KLF17: variants seen among roughly 807,000 people sequenced by gnomAD.
KLF17 encodes the protein Krueppel-like factor 17.
In KLF17, 31 loss-of-function variants were observed where a neutral mutation model predicts 34.2. The observed-to-expected ratio is 0.91, with a 90% CI of 0.68 to 1.22. KLF17 has a LOEUF of 1.22. Among genes scored for constraint, KLF17 ranks in the 50% most tolerant of loss-of-function variants. The probability of loss-of-function intolerance (pLI) is 0.00; values close to 1 mark genes in which losing one functional copy is unlikely to be tolerated. For synonymous variants in KLF17, 179 were observed against 186.7 expected (o/e 0.96, Z 0.34); for missense variants, 478 against 505.2 (o/e 0.95, Z 0.52).
At chr1:44,097,411 G>T in the KLF17 span, among the ~76,000 whole-genome samples, 1 of 152,084 alleles carries the variant, frequency 6.6e-6, no homozygotes, top group Non-Finnish European at 1.5e-5. Flanking sequence ...GAAAGTCAAT[G>T]GTAGCTTGAT....
chr1:44,044,293 G>C, the KLF17 span, among the ~76,000 whole-genome samples: 3 of 152,322 alleles, frequency 2.0e-5, no homozygotes, highest in African/African-American at 7.2e-5. Context: ...ACACAGATTT[G>C]TAGCTGGCGT....
chr1:44,047,296 C>T, the KLF17 span, among the ~76,000 whole-genome samples: 2 of 152,132 alleles, frequency 1.3e-5, no homozygotes, highest in Admixed American at 6.5e-5. Flanking sequence ...CCACCCATTC[C>T]TCTGAGTGGG....
intron 1 of KLF17, among the ~76,000 whole-genome samples, chr1:44,124,274 A>AT (rs35585037): frequency 9.9e-4 from 144 of 145,460 alleles, no homozygotes; most frequent in East Asian, 2.6e-3. Flanking sequence ...TTTTTGTTTG[A>AT]TTTTTTTTTT....
At chr1:44,115,702 G>GT (rs1463077969), upstream of KLF17, 2 of 152,028 alleles carry the variant, frequency 1.3e-5, no homozygotes, top group African/African-American at 4.8e-5. Context: ...TGCCTAAATT[G>GT]TATCTTATTT....
chr1:44,129,236 A>T, intron 1 of KLF17, 117 bp from the exon 2 acceptor site: 1 of 1,251,890 alleles, frequency 8.0e-7, no homozygotes, highest in South Asian at 1.8e-5. Flanking sequence ...TGGAGGCAGG[A>T]TAATTCAAGC....
the KLF17 span, among the ~76,000 whole-genome samples, chr1:44,113,128 C>T: frequency 6.6e-6 from 1 of 152,218 alleles, no homozygotes; most frequent in South Asian, 2.1e-4. Context: ...TGGCTGGGTG[C>T]TGTGGCTTAT....
At chr1:44,071,909 C>T in the KLF17 span, among the ~76,000 whole-genome samples, 3,186 of 152,138 alleles carry the variant, frequency 0.021, 49 homozygotes, top group Admixed American at 0.034. Context: ...TGGAGCTTCC[C>T]CTCCACCCCC....
chr1:44,064,945 G>A, the KLF17 span, among the ~76,000 whole-genome samples: 22 of 152,216 alleles, frequency 1.4e-4, no homozygotes, highest in Admixed American at 2.6e-4. Context: ...TAATGAGAAA[G>A]TGTGCTAACT....
intron 1 of KLF17, among the ~76,000 whole-genome samples, chr1:44,121,156 G>T (rs528174511): frequency 6.6e-6 from 1 of 152,162 alleles, no homozygotes; most frequent in Admixed American, 6.5e-5. Context: ...TGGTGCTGTT[G>T]TCCAGGCTGG....
At chr1:44,114,175 G>A (rs1210483700), upstream of KLF17, 3 of 152,174 alleles carry the variant, frequency 2.0e-5, no homozygotes, top group African/African-American at 7.2e-5. Context: ...TATGCTTTGA[G>A]GCATTCGATA....
At chr1:44,091,931 A>G in the KLF17 span, among the ~76,000 whole-genome samples, 3 of 139,182 alleles carry the variant, frequency 2.2e-5, no homozygotes, top group African/African-American at 8.1e-5. Flanking sequence ...AAAAAAACCC[A>G]AAAAACAACA....
chr1:44,066,100 T>C, the KLF17 span, among the ~76,000 whole-genome samples: 1 of 152,284 alleles, frequency 6.6e-6, no homozygotes, highest in Admixed American at 6.5e-5. Flanking sequence ...GAAAATCACT[T>C]GAACTTAGAA....
chr1:44,054,478 C>CTTTTT, the KLF17 span, among the ~76,000 whole-genome samples: 3 of 100,206 alleles, frequency 3.0e-5, no homozygotes, highest in East Asian at 3.3e-4. Context: ...ATCAGTGTGC[C>CTTTTT]TTTTTTTTTT....
the KLF17 span, among the ~76,000 whole-genome samples, chr1:44,099,833 GAAAGAAAGAAAGA>G: frequency 8.4e-5 from 1 of 11,860 alleles, no homozygotes; most frequent in Non-Finnish European, 1.4e-4. Context: ...AAAGAAGAAA[GAAAGAAAGAAAGA>G]AAGAAAGAAA....
intron 1 of KLF17, among the ~76,000 whole-genome samples, chr1:44,119,693 G>A (rs1367574053): frequency 1.3e-5 from 2 of 152,188 alleles, no homozygotes; most frequent in Admixed American, 1.3e-4. Flanking sequence ...TCCCAGGTCT[G>A]AGACCACAGG....
In KLF17 at chr1:44,133,610, AT is replaced by A. The variant is rs997899026; in HGVS notation, c.*376del. On this transcript the variant is annotated 3_prime_UTR_variant, in exon 4 of 4. Coordinates refer to ENST00000372299, the MANE Select transcript of KLF17 (RefSeq NM_173484.4). ...GCAGAGCAGAAAGATCATAGACAAC[AT>A]TTATGAATGTGCCCAGTGCTGCCAA... The A allele has an allele frequency of 5.3e-5, 8 of 152,272 alleles. No individual in the cohort carries two copies. Among genetic ancestry groups the A allele is most frequent in the Non-Finnish European group, 1.2e-4 (8 of 68,072 alleles). The allele number at this position is 152,272 out of a possible 1,614,324, so 9.4% of individuals were successfully genotyped here. A position where few individuals can be genotyped will look rare whatever the true frequency, so the allele number is the denominator to read the frequency against.
chr1:44,112,555 C>T, the KLF17 span, among the ~76,000 whole-genome samples: 1 of 152,092 alleles, frequency 6.6e-6, no homozygotes, highest in Non-Finnish European at 1.5e-5. Context: ...CAGGCACTTG[C>T]CACCATGCCT....
At chr1:44,120,899 G>A (rs1352477808) in intron 1 of KLF17, among the ~76,000 whole-genome samples, 3 of 152,142 alleles carry the variant, frequency 2.0e-5, no homozygotes, top group African/African-American at 7.2e-5. Flanking sequence ...CAGAAGGCTC[G>A]TTTGAGCTCA....
the KLF17 span, among the ~76,000 whole-genome samples, chr1:44,058,206 T>C: frequency 1.3e-5 from 2 of 152,226 alleles, no homozygotes; most frequent in African/African-American, 4.8e-5. Flanking sequence ...TAGAAAAAGC[T>C]AATGTTTTTG....
Sources: gnomAD v4.1 joint callset for allele counts (sites outside exome capture counted in the v4.1 genomes callset) on GRCh38, gnomAD v4.1.1 for gene constraint, MANE v1.5 for transcripts, NCBI Gene and HGNC (gene_info 2026-07-23, HGNC 2026-07-21) for gene names.